The following CACNA1C variants were observed in gnomAD, a reference collection of about 807,000 sequenced individuals.
CACNA1C encodes the protein calcium voltage-gated channel subunit alpha1 C, also known as voltage-dependent L-type calcium channel subunit alpha-1C.
A neutral mutation model predicts 229.0 loss-of-function variants in CACNA1C; 30 were observed. The observed-to-expected ratio is 0.13, with a 90% CI of 0.10 to 0.18. The LOEUF (loss-of-function observed/expected upper bound fraction) is 0.18. Among genes scored for constraint, CACNA1C ranks in the 10% least tolerant of loss-of-function variants. The probability of loss-of-function intolerance (pLI) is 1.00; values close to 1 mark genes in which losing one functional copy is unlikely to be tolerated. For missense variants in CACNA1C, 1,658 were observed against 2,845.0 expected (o/e 0.58, Z 9.49); for synonymous variants, 1,114 against 1,132.5 (o/e 0.98, Z 0.33).
At chr12:2,317,340 A>G (rs900869925) in intron 3 of CACNA1C, among the ~76,000 whole-genome samples, 2 of 152,252 alleles carry the variant, frequency 1.3e-5, no homozygotes, top group Admixed American at 6.5e-5. Flanking sequence ...ATTCTGATCC[A>G]TGCTGCAACA....
rs546504536 is a variant in CACNA1C, at chr12:2,029,328, A to G, written c.139+58127A>G. On this transcript the variant is annotated intron_variant, in intron 1 of 46. Transcript: ENST00000682462. The surrounding 1 kb of genome is among the most constrained non-coding windows in gnomAD (Gnocchi z 4.9). ...AAAATTAACCTGTGTACAATGTGAAATCCAGAGCTATGTAACACATCCGCA... is the reference window on the plus strand; with the variant it reads ...AAAATTAACCTGTGTACAATGTGAAGTCCAGAGCTATGTAACACATCCGCA... 6.6e-6 allele frequency among the ~76,000 whole-genome samples: 1 copy of G among 152,284 alleles called. No homozygotes were observed. Among genetic ancestry groups the G allele is most frequent in the African/African-American group, 2.4e-5 (1 of 41,552 alleles).
intron 1 of CACNA1C, among the ~76,000 whole-genome samples, chr12:2,112,316 C>G (rs998548990): frequency 1.1e-4 from 16 of 152,064 alleles, no homozygotes; most frequent in Non-Finnish European, 2.1e-4. Context: ...GGTTAAGGTC[C>G]CGGCCTTATT....
At chr12:2,446,848 ATGGATGAAT>A (rs2099297648) in intron 3 of CACNA1C, among the ~76,000 whole-genome samples, 1 of 148,148 alleles carries the variant, frequency 6.8e-6, no homozygotes, top group South Asian at 2.2e-4. Context: ...GGATGGATGA[ATGGATGAAT>A]TGGTGGGTGG....
chr12:2,604,995 C>A, intron 22 of CACNA1C, 86 bp from the exon 23 acceptor site: 1 of 995,386 alleles, frequency 1.0e-6, no homozygotes, highest in Non-Finnish European at 1.6e-6. Flanking sequence ...CTCGGATTCA[C>A]CTGTCAGGAC....
At position 2,666,194 on chromosome 12, in the gene CACNA1C, G is replaced by C. The variant is rs2096084508; in HGVS notation, c.4526+486G>C. ...ACAGAGCAAGACTCCATCTAAAAAA[G>C]AAAAAGAAAATAATATATCTACTAT... On this transcript the variant is annotated intron_variant, in intron 36 of 46. Coordinates refer to ENST00000399655, the MANE Select transcript of CACNA1C (RefSeq NM_000719.7). The surrounding 1 kb of genome is among the most constrained non-coding windows in gnomAD (Gnocchi z 5.3). Among the ~76,000 whole-genome samples the C allele has an allele frequency of 6.6e-6, 1 of 151,744 alleles. No individual in the cohort carries two copies. The highest frequency in any genetic ancestry group is 2.4e-5 in the African/African-American group (1 of 41,274).
chr12:2,549,340 G>C (rs1381275063), intron 9 of CACNA1C, among the ~76,000 whole-genome samples: 2 of 152,188 alleles, frequency 1.3e-5, no homozygotes, highest in Non-Finnish European at 2.9e-5. Flanking sequence ...GGGCTAGCTT[G>C]AATCTTAGTG....
chr12:2,263,532 C>T (rs909220316), intron 3 of CACNA1C, among the ~76,000 whole-genome samples: 5 of 151,708 alleles, frequency 3.3e-5, no homozygotes, highest in African/African-American at 1.2e-4. Flanking sequence ...GGGAGCTTCT[C>T]GGTGTTGGTA....
intron 3 of CACNA1C, among the ~76,000 whole-genome samples, chr12:2,415,516 A>G (rs1296360777): frequency 6.6e-6 from 1 of 152,230 alleles, no homozygotes; most frequent in Non-Finnish European, 1.5e-5. Context: ...GGCCACAGAA[A>G]ATGAAAATAA....
chr12:2,304,408 T>C (rs1034856448), intron 3 of CACNA1C, among the ~76,000 whole-genome samples: 2 of 152,152 alleles, frequency 1.3e-5, no homozygotes, highest in African/African-American at 4.8e-5. Context: ...GCAACATAAA[T>C]AGCACTGATA....
intron 3 of CACNA1C, among the ~76,000 whole-genome samples, chr12:2,349,566 C>T (rs1291000851): frequency 6.6e-6 from 1 of 152,120 alleles, no homozygotes; most frequent in Admixed American, 6.5e-5. Flanking sequence ...GCCCTCCTCC[C>T]CTCTGGAATT....
intron 29 of CACNA1C, among the ~76,000 whole-genome samples, chr12:2,618,523 G>A (rs749346212): frequency 6.6e-5 from 10 of 152,348 alleles, no homozygotes; most frequent in East Asian, 1.9e-4. Flanking sequence ...CTGCCCCACC[G>A]GTGCCCTGGG....
intron 43 of CACNA1C, among the ~76,000 whole-genome samples, chr12:2,684,648 C>T (rs1261267430): frequency 6.6e-6 from 1 of 152,132 alleles, no homozygotes; most frequent in African/African-American, 2.4e-5. Context: ...TGGTACAACC[C>T]CCAGGGGTAC....
At chr12:2,231,854 C>T (rs2065252215) in intron 3 of CACNA1C, among the ~76,000 whole-genome samples, 1 of 152,134 alleles carries the variant, frequency 6.6e-6, no homozygotes, top group Non-Finnish European at 1.5e-5. Context: ...TTGGCAAGAT[C>T]AGGAGCTTGT....
At chr12:2,008,102 TTTAC>T (rs1191881841) in intron 1 of CACNA1C, among the ~76,000 whole-genome samples, 1 of 151,526 alleles carries the variant, frequency 6.6e-6, no homozygotes, top group Non-Finnish European at 1.5e-5. Context: ...TTCATAAAGT[TTTAC>T]TTATTTATTT....
chr12:2,656,550 T>C (rs1297966157), intron 34 of CACNA1C, among the ~76,000 whole-genome samples: 2 of 152,190 alleles, frequency 1.3e-5, no homozygotes, highest in Non-Finnish European at 2.9e-5. Context: ...AAAATGCCAA[T>C]GTCATTTTTT....
chr12:2,155,151 C>A (rs976065979), intron 3 of CACNA1C, among the ~76,000 whole-genome samples: 22 of 152,182 alleles, frequency 1.4e-4, no homozygotes, highest in African/African-American at 5.1e-4. Flanking sequence ...CAGAGGCACA[C>A]CCCTGGTGTG....
intron 9 of CACNA1C, among the ~76,000 whole-genome samples, chr12:2,518,582 T>C (rs1310347887): frequency 1.3e-5 from 2 of 148,170 alleles, no homozygotes; most frequent in Non-Finnish European, 3.0e-5. Flanking sequence ...CACTCCAGCC[T>C]GGGCGACAGA....
intron 9 of CACNA1C, among the ~76,000 whole-genome samples, chr12:2,516,049 A>AG (rs2099796101): frequency 6.6e-6 from 1 of 151,634 alleles, no homozygotes; most frequent in African/African-American, 2.4e-5. Context: ...CATGCCAGAG[A>AG]GGGGGGAAGC....
intron 29 of CACNA1C, chr12:2,613,062 T>C (rs747009115): frequency 6.6e-6 from 1 of 152,190 alleles, no homozygotes; most frequent in Non-Finnish European, 1.5e-5. Context: ...TATCTTCTAT[T>C]TTCATTCAAG....
Sources: gnomAD v4.1 joint callset for allele counts (sites outside exome capture counted in the v4.1 genomes callset) on GRCh38, gnomAD v4.1.1 for gene constraint, Gnocchi (gnomAD v3.1) non-coding constraint, MANE v1.5 for transcripts, NCBI Gene and HGNC (gene_info 2026-07-23, HGNC 2026-07-21) for gene names.